Variants in LARP4 observed in about 807,000 individuals in gnomAD.
The protein encoded by LARP4 is La ribonucleoprotein 4.
LARP4 carries 29 observed loss-of-function variants against 92.9 expected under a neutral mutation model. That is an observed-to-expected ratio of 0.31 (90% CI 0.23 to 0.43). LARP4 has a LOEUF of 0.43. LARP4 is among the 20% of genes least tolerant of loss of function. LARP4 has a pLI of 1.00. For synonymous variants in LARP4, 279 were observed against 284.1 expected (o/e 0.98, Z 0.18); for missense variants, 732 against 860.0 (o/e 0.85, Z 1.86).
At chr12:50,453,743 G>T (rs1953695596) in intron 9 of LARP4, 71 bp downstream of exon 9, 1 of 971,942 alleles carries the variant, frequency 1.0e-6, no homozygotes, top group Admixed American at 2.2e-5. Context: ...AAATCAGTTG[G>T]AGTGGGAGCT....
intron 8 of LARP4, among the ~76,000 whole-genome samples, 192 bp downstream of exon 8, chr12:50,441,835 C>T (rs1431255360): frequency 2.0e-5 from 3 of 152,132 alleles, no homozygotes; most frequent in Non-Finnish European, 2.9e-5. Context: ...GATAGCATGA[C>T]GCCAGGAGTT....
chr12:50,453,233 G>A (rs1953593231), intron 8 of LARP4, among the ~76,000 whole-genome samples: 1 of 151,848 alleles, frequency 6.6e-6, no homozygotes, highest in African/African-American at 2.4e-5. Flanking sequence ...GTGTGTTTGT[G>A]TGTGGCGGGG....
intron 1 of LARP4, among the ~76,000 whole-genome samples, chr12:50,407,127 G>A (rs979196095): frequency 2.0e-5 from 3 of 152,032 alleles, no homozygotes; most frequent in African/African-American, 7.2e-5. Flanking sequence ...CTGGGTTCAA[G>A]CGATTCTTCT....
intron 8 of LARP4, among the ~76,000 whole-genome samples, chr12:50,448,095 G>A (rs1400132432): frequency 1.3e-5 from 2 of 152,120 alleles, no homozygotes; most frequent in African/African-American, 4.8e-5. Flanking sequence ...TTGAATTCCT[G>A]ACCTTGTGAT....
At chr12:50,461,690 C>G (rs921607381) in intron 11 of LARP4, among the ~76,000 whole-genome samples, 1 of 152,140 alleles carries the variant, frequency 6.6e-6, no homozygotes, top group Non-Finnish European at 1.5e-5. Flanking sequence ...GGTGCGGTGG[C>G]TCACACCTGT....
chr12:50,417,048 CT>C (rs1235001670), intron 1 of LARP4, among the ~76,000 whole-genome samples: 1 of 152,134 alleles, frequency 6.6e-6, no homozygotes, highest in African/African-American at 2.4e-5. Context: ...TGATGAGATA[CT>C]TTTGGTACAG....
intron 8 of LARP4, among the ~76,000 whole-genome samples, chr12:50,442,636 C>G (rs1366085247): frequency 6.6e-6 from 1 of 152,328 alleles, no homozygotes; most frequent in Non-Finnish European, 1.5e-5. Flanking sequence ...ACTAATCCCT[C>G]TGTGTTGAAC....
intron 1 of LARP4, among the ~76,000 whole-genome samples, chr12:50,421,917 T>C (rs1386602422): frequency 6.6e-6 from 1 of 152,116 alleles, no homozygotes; most frequent in South Asian, 2.1e-4. Flanking sequence ...TATTACTCTG[T>C]ACCTCTCATA....
chr12:50,404,839 GCCACCACGCCCAA>G (rs1944508202), intron 1 of LARP4, among the ~76,000 whole-genome samples: 1 of 151,868 alleles, frequency 6.6e-6, no homozygotes, highest in Admixed American at 6.6e-5. Context: ...GTAGGCGCAT[GCCACCACGCCCAA>G]CTAATTTTTG....
chr12:50,473,067 G>A (rs1042218276), intron 13 of LARP4, among the ~76,000 whole-genome samples: 2 of 152,054 alleles, frequency 1.3e-5, no homozygotes, highest in African/African-American at 2.4e-5. Flanking sequence ...TGATCCACCC[G>A]CCTCAGCCTC....
chr12:50,456,224 A>G (rs1954215958), intron 10 of LARP4, among the ~76,000 whole-genome samples: 1 of 152,222 alleles, frequency 6.6e-6, no homozygotes, highest in Non-Finnish European at 1.5e-5. Flanking sequence ...CAGTCAAGTT[A>G]TCTTTACTTA....
intron 8 of LARP4, among the ~76,000 whole-genome samples, chr12:50,447,820 A>T (rs1952458514): frequency 6.6e-6 from 1 of 151,814 alleles, no homozygotes; most frequent in African/African-American, 2.4e-5. Context: ...AAGTGTTGTG[A>T]TTACAGGTGT....
chr12:50,445,136 G>T (rs796389589), intron 8 of LARP4, among the ~76,000 whole-genome samples: 4 of 152,022 alleles, frequency 2.6e-5, no homozygotes, highest in African/African-American at 9.6e-5. Context: ...ACTCCTGAGG[G>T]CAAGCGATCC....
chr12:50,415,335 G>A (rs1203696107), intron 1 of LARP4, among the ~76,000 whole-genome samples: 1 of 152,084 alleles, frequency 6.6e-6, no homozygotes, highest in Non-Finnish European at 1.5e-5. Flanking sequence ...TACACTTTGA[G>A]TATTCTTAGC....
At chr12:50,434,557 C>G (rs923003711) in intron 4 of LARP4, among the ~76,000 whole-genome samples, 6 of 151,076 alleles carry the variant, frequency 4.0e-5, no homozygotes, top group Middle Eastern at 3.2e-3. Context: ...TAGCACCCAC[C>G]ACCAAGCCTG....
intron 12 of LARP4, among the ~76,000 whole-genome samples, chr12:50,465,869 CAT>C: frequency 6.6e-6 from 1 of 152,100 alleles, no homozygotes; most frequent in Middle Eastern, 3.4e-3. Flanking sequence ...CAGTTGCTTG[CAT>C]ATAGGTAGTA....
intron 1 of LARP4, among the ~76,000 whole-genome samples, chr12:50,423,480 G>C (rs992928100): frequency 1.3e-5 from 2 of 152,052 alleles, no homozygotes; most frequent in African/African-American, 4.8e-5. Context: ...ACGGAGTCTT[G>C]CTCTGTTGCC....
intron 8 of LARP4, among the ~76,000 whole-genome samples, chr12:50,444,734 C>G (rs1034481561): frequency 6.6e-6 from 1 of 152,130 alleles, no homozygotes; most frequent in Non-Finnish European, 1.5e-5. Flanking sequence ...CACTCATTTC[C>G]TAATTTATTG....
chr12:50,431,313 A>G (rs1949625947), intron 4 of LARP4, among the ~76,000 whole-genome samples: 1 of 152,148 alleles, frequency 6.6e-6, no homozygotes, highest in South Asian at 2.1e-4. Context: ...CAGAGGATCT[A>G]TTCTTAATAT....
Sources: gnomAD v4.1 joint callset for allele counts (sites outside exome capture counted in the v4.1 genomes callset) on GRCh38, gnomAD v4.1.1 for gene constraint, MANE v1.5 for transcripts, NCBI Gene and HGNC (gene_info 2026-07-23, HGNC 2026-07-21) for gene names.